The following DENND4C variants were observed in gnomAD, a reference collection of about 807,000 sequenced individuals.
DENND4C encodes DENN domain-containing protein 4C.
In DENND4C, 108 loss-of-function variants were observed where a neutral mutation model predicts 203.0. That is an observed-to-expected ratio of 0.53 (90% confidence interval 0.46 to 0.62). The LOEUF (loss-of-function observed/expected upper bound fraction) is 0.62. DENND4C is among the 20% of genes least tolerant of loss of function. The pLI, the probability that DENND4C is intolerant of heterozygous loss-of-function variation, is 0.00. For missense variants in DENND4C, 2,481 were observed against 2,301.2 expected (o/e 1.08, Z -1.60); for synonymous variants, 871 against 792.4 (o/e 1.10, Z -1.67).
chr9:19,324,627 G>A, intron 13 of DENND4C, 120 bp downstream of exon 13: 2 of 1,022,602 alleles, frequency 2.0e-6, no homozygotes, highest in Non-Finnish European at 2.8e-6. Context: ...GTGTATGTGT[G>A]TGTATGTGTT....
intron 9 of DENND4C, among the ~76,000 whole-genome samples, chr9:19,303,379 A>C (rs1425219350): frequency 6.6e-6 from 1 of 152,148 alleles, no homozygotes; most frequent in South Asian, 2.1e-4. Context: ...CCTGCCTGCC[A>C]CTTGTTTCTA....
chr9:19,371,686 C>A, intron 31 of DENND4C, 70 bp from the exon 32 acceptor site: 1 of 773,670 alleles, frequency 1.3e-6, no homozygotes, highest in Non-Finnish European at 2.2e-6. Context: ...ATGTCTTCAC[C>A]ATTAAAAAAA....
chr9:19,253,078 T>G lies in DENND4C; in HGVS notation c.-18+22245T>G, dbSNP rs1217393246. Reference sequence around the variant, plus strand: ...TAATGGAAATTAAAAGTGATTCCTCTCTTGACTTTTAACCTTTAGATGCAT... The same window carrying G: ...TAATGGAAATTAAAAGTGATTCCTCGCTTGACTTTTAACCTTTAGATGCAT... On this transcript the variant is annotated intron_variant, in intron 1 of 32. Transcript: ENST00000434457. Among the ~76,000 whole-genome samples the G allele has an allele frequency of 2.0e-5, 3 of 152,232 alleles. No individual in the cohort carries two copies. The South Asian group carries it at 6.2e-4, about 31-fold the overall frequency.
intron 12 of DENND4C, among the ~76,000 whole-genome samples, chr9:19,317,199 T>G (rs1588905908): frequency 6.6e-6 from 1 of 151,104 alleles, no homozygotes; most frequent in South Asian, 2.1e-4. Context: ...TTTTTTTTTT[T>G]TTAATAGAGC....
At chr9:19,257,481 T>C (rs1402545118) in intron 1 of DENND4C, among the ~76,000 whole-genome samples, 2 of 152,090 alleles carry the variant, frequency 1.3e-5, no homozygotes, top group Non-Finnish European at 2.9e-5. Context: ...TGACTTCAGC[T>C]TCCACCTTAA....
chr9:19,283,338 A>T lies in DENND4C; in HGVS notation c.306-3431A>T, dbSNP rs1014632069. Among the ~76,000 whole-genome samples, 3 of 152,130 alleles carry T rather than the reference A, an allele frequency of 2.0e-5. No individual in the cohort carries two copies. In the East Asian group the frequency reaches 5.8e-4, roughly 29 times the overall value. On this transcript the variant is annotated intron_variant, in intron 2 of 32. Transcript: ENST00000434457. ...CATAGAGCTGTCTTCTATGATAAGA[A>T]TGCCTTCTGGAATACCTCCTGAAGG... is the stretch of plus-strand genomic sequence containing the variant.
At chr9:19,283,302 G>A (rs1264362995) in intron 2 of DENND4C, among the ~76,000 whole-genome samples, 2 of 152,102 alleles carry the variant, frequency 1.3e-5, no homozygotes, top group Non-Finnish European at 2.9e-5. Context: ...GGTCTTCAGG[G>A]CAGTAACCCA....
rs1382381678 is a variant in DENND4C, at chr9:19,288,661, G to A, written c.624G>A (p.Lys208=). The A allele has an allele frequency of 8.1e-7, 1 of 1,231,446 alleles. No homozygotes were observed. The highest frequency in any genetic ancestry group is 1.0e-6 in the Non-Finnish European group (1 of 987,566). 76.3% of individuals were successfully genotyped at this position (1,231,446 alleles called of 1,614,324 possible). ...CTGCTTCAAATGCAATAGCATATAA[G>A]GCTGGTAAGTGAGTTAAAAAAAATT... ...SVPASNAIAY[K]AGLIFRYPEE... Residue 208 remains lysine (K), a synonymous_variant, in exon 4 of 33, where the codon AAG becomes AAA. Transcript: ENST00000434457.
intron 23 of DENND4C, 143 bp from the exon 24 acceptor site, chr9:19,350,559 G>A (rs1402891824): frequency 3.2e-6 from 2 of 630,644 alleles, no homozygotes; most frequent in Admixed American, 3.1e-5. Context: ...ATAATAGTGA[G>A]GAGATTTCAT....
At chr9:19,261,810 C>T (rs1035000980) in intron 1 of DENND4C, among the ~76,000 whole-genome samples, 49 of 151,966 alleles carry the variant, frequency 3.2e-4, no homozygotes, top group African/African-American at 1.0e-3. Context: ...GGTCTCTTTC[C>T]GTTTTTTGTG....
intron 1 of DENND4C, among the ~76,000 whole-genome samples, chr9:19,249,125 C>T (rs986236311): frequency 6.6e-6 from 1 of 151,882 alleles, no homozygotes; most frequent in African/African-American, 2.4e-5. Flanking sequence ...TATAAGTTTA[C>T]TAATTATTTT....
chr9:19,302,978 C>G (rs1163048218), intron 9 of DENND4C, among the ~76,000 whole-genome samples: 1 of 150,578 alleles, frequency 6.6e-6, no homozygotes, highest in African/African-American at 2.4e-5. Flanking sequence ...CTCTAATGTC[C>G]TTTACTTGGC....
Position 19,290,762 on chromosome 9 carries a change from T to A in DENND4C, c.687T>A (p.Asp229Glu), listed in dbSNP as rs891590456. Reference protein sequence around the residue: ...DYESFPLSESDVPLFCLPMGA... With the variant: ...DYESFPLSESEVPLFCLPMGA... Reference sequence around the variant, plus strand: ...AGTCATTTCCACTCTCAGAATCAGATGTACCTCTTTTCTGCCTTCCTATGG... The same window carrying A: ...AGTCATTTCCACTCTCAGAATCAGAAGTACCTCTTTTCTGCCTTCCTATGG... The change falls in exon 5 of 33, where the codon GAT becomes GAA. Residue 229 changes from aspartate to glutamate, a missense_variant. By Grantham distance (45) the Asp-to-Glu change is conservative. Coordinates refer to ENST00000434457, the MANE Select transcript of DENND4C (RefSeq NM_001330640.2). The A allele has an allele frequency of 6.2e-7, 1 of 1,601,516 alleles. No individual in the cohort carries two copies. Among genetic ancestry groups the A allele is most frequent in the Non-Finnish European group, 8.5e-7 (1 of 1,173,286 alleles).
rs770581987 is a variant in DENND4C, at chr9:19,336,338, T to C, written c.2658T>C (p.Asn886=). 2.7e-5 allele frequency: 43 copies of C among 1,613,982 alleles called. No homozygotes were observed. The highest frequency in any genetic ancestry group is 3.6e-5 in the Non-Finnish European group (42 of 1,180,004). The change falls in exon 19 of 33, where the codon AAT becomes AAC. Residue 886 remains asparagine, a synonymous_variant. Transcript: ENST00000434457. ...SGIFLWTKVR[N]VVRGLAQFRQ... ...TTTTCTTATGGACGAAGGTACGGAA[T>C]GTGGTACGTGGCTTGGCACAGTTTA...
intron 15 of DENND4C, among the ~76,000 whole-genome samples, chr9:19,327,770 TTAAG>T (rs1460460271): frequency 2.0e-5 from 3 of 152,088 alleles, no homozygotes; most frequent in African/African-American, 4.8e-5. Context: ...ATTTCTCCCT[TTAAG>T]TAAGATATCA....
chr9:19,362,550 T>TACAC (rs34768811), intron 30 of DENND4C, among the ~76,000 whole-genome samples: 1 of 150,810 alleles, frequency 6.6e-6, no homozygotes, highest in African/African-American at 2.4e-5. Flanking sequence ...AAAAAAAAAG[T>TACAC]ACACACACAC....
At chr9:19,334,922 A>G (rs189190192) in intron 17 of DENND4C, 55 bp from the exon 18 acceptor site, 2 of 1,449,144 alleles carry the variant, frequency 1.4e-6, no homozygotes, top group African/African-American at 1.4e-5. Flanking sequence ...AATCTCTACA[A>G]TTCACAGATA....
At chr9:19,267,235 G>A in intron 1 of DENND4C, among the ~76,000 whole-genome samples, 1 of 152,258 alleles carries the variant, frequency 6.6e-6, no homozygotes, top group African/African-American at 2.4e-5. Flanking sequence ...TACTGTGTTG[G>A]AGTCCATCTC....
At position 19,346,051 on chromosome 9, in the gene DENND4C, T is replaced by C. The variant is rs562817191; in HGVS notation, c.3282T>C (p.Cys1094=). The C allele has an allele frequency of 2.7e-5, 44 of 1,614,166 alleles. No individual in the cohort carries two copies. The Admixed American group carries it at 6.5e-4, about 24-fold the overall frequency. ...KRQKHFPERS[C]SFSSESRAGM... is the part of the protein sequence containing the mutation. ...AAAAGCATTTTCCTGAGAGGAGTTGTAGTTTTAGTTCTGAAAGTCGAGCAG... is the reference window on the plus strand; with the variant it reads ...AAAAGCATTTTCCTGAGAGGAGTTGCAGTTTTAGTTCTGAAAGTCGAGCAG... Residue 1094 remains cysteine (C), a synonymous_variant, in exon 23 of 33, where the codon TGT becomes TGC. Transcript: ENST00000434457.
Sources: allele counts gnomAD v4.1 joint callset (sites outside exome capture counted in the v4.1 genomes callset), GRCh38; gene constraint gnomAD v4.1.1; transcripts MANE v1.5; gene names NCBI Gene and HGNC (gene_info 2026-07-23, HGNC 2026-07-21).